Variants in YME1L1 observed in about 807,000 individuals in gnomAD.
The protein encoded by YME1L1 is YME1 like 1 ATPase.
A neutral mutation model predicts 90.4 loss-of-function variants in YME1L1; 39 were observed. The ratio of observed to expected loss-of-function variants is 0.43; its 90% confidence interval spans 0.33 to 0.56. The LOEUF is 0.56. YME1L1 is among the 20% of genes least tolerant of loss of function. YME1L1 has a pLI of 0.03. For missense variants in YME1L1, 617 were observed against 868.4 expected (o/e 0.71, Z 3.64); for synonymous variants, 284 against 287.3 (o/e 0.99, Z 0.12).
chr10:27,113,251 A>C (rs888182245), intron 18 of YME1L1, among the ~76,000 whole-genome samples: 1 of 96,996 alleles, frequency 1.0e-5, no homozygotes, highest in Non-Finnish European at 2.3e-5. Flanking sequence ...AAAAAAAAAA[A>C]AAAAAAAAAA....
chr10:27,123,136 G>A (rs1410560995), intron 10 of YME1L1, among the ~76,000 whole-genome samples, 163 bp from the exon 11 acceptor site: 2 of 152,058 alleles, frequency 1.3e-5, no homozygotes, highest in African/African-American at 2.4e-5. Flanking sequence ...GTATCTTCAG[G>A]GGGGAAAAAA....
At chr10:27,149,100 CCTT>C in intron 1 of YME1L1, 60 bp from the exon 2 acceptor site, 4 of 1,421,936 alleles carry the variant, frequency 2.8e-6, no homozygotes, top group Non-Finnish European at 3.9e-6. Context: ...AGAACAATCT[CCTT>C]TTTTTGTCAG....
chr10:27,114,486 C>G, intron 18 of YME1L1, 35 bp downstream of exon 18: 1 of 1,562,594 alleles, frequency 6.4e-7, no homozygotes, highest in Non-Finnish European at 8.8e-7. Context: ...CACATTGTTC[C>G]TAAGAAAATA....
chr10:27,136,453 T>C, intron 4 of YME1L1, 68 bp from the exon 5 acceptor site: 1 of 1,319,504 alleles, frequency 7.6e-7, no homozygotes, highest in Non-Finnish European at 1.1e-6. Context: ...CCTAAGATTC[T>C]AAAGTCTGAC....
intron 4 of YME1L1, among the ~76,000 whole-genome samples, chr10:27,137,836 G>GTT (rs530050301): frequency 2.0e-3 from 310 of 151,956 alleles, no homozygotes; most frequent in African/African-American, 7.3e-3. Flanking sequence ...GTAATCTTTA[G>GTT]TTATATATAT....
At chr10:27,150,917 C>T (rs915653014) in intron 1 of YME1L1, among the ~76,000 whole-genome samples, 3 of 138,142 alleles carry the variant, frequency 2.2e-5, no homozygotes, top group African/African-American at 8.0e-5. Context: ...TAGACTCTCT[C>T]GCCTTTTTTT....
chr10:27,126,380 G>A (rs978628097), intron 9 of YME1L1, among the ~76,000 whole-genome samples: 5 of 152,118 alleles, frequency 3.3e-5, no homozygotes, highest in Non-Finnish European at 4.4e-5. Context: ...AGCGAGCCAT[G>A]ATTGCATCAC....
Position 27,154,197 on chromosome 10 carries a change from G to C in YME1L1, c.14C>G (p.Ser5Trp). Residue 5 changes from serine (S) to tryptophan (W), a missense_variant, in exon 1 of 19, where the codon TCG (serine) becomes TGG (tryptophan). Physicochemically the swap from Ser to Trp is radical, Grantham distance 177. This residue lies in a region of YME1L1 where 311 missense variants were observed against 335.8 expected (regional missense o/e 0.93). Transcript: ENST00000376016. Reference sequence around the variant, plus strand: ...GCTTACCTGGGGTTGCACCGTGCTCGACAAGGAAAACATCTCCGGCGGGCC... The same window carrying C: ...GCTTACCTGGGGTTGCACCGTGCTCCACAAGGAAAACATCTCCGGCGGGCC... MFSL[S>W]STVQPQVTVP... 1 of 1,592,052 alleles carries C rather than the reference G, an allele frequency of 6.3e-7. No homozygotes were observed. Among genetic ancestry groups the C allele is most frequent in the Middle Eastern group, 1.7e-4 (1 of 6,038 alleles).
chr10:27,134,687 G>T, intron 6 of YME1L1, 144 bp downstream of exon 6: 3 of 806,894 alleles, frequency 3.7e-6, no homozygotes, highest in Non-Finnish European at 5.7e-6. Context: ...CAGCAGTATC[G>T]CCATTTCTAC....
chr10:27,117,378 G>A (rs1040298128), intron 15 of YME1L1, among the ~76,000 whole-genome samples, 198 bp downstream of exon 15: 1 of 152,146 alleles, frequency 6.6e-6, no homozygotes, highest in African/African-American at 2.4e-5. Context: ...GAGCAGCCTG[G>A]CCAACATGGT....
At chr10:27,140,523 G>A (rs528853356) in intron 4 of YME1L1, among the ~76,000 whole-genome samples, 2 of 152,142 alleles carry the variant, frequency 1.3e-5, no homozygotes, top group African/African-American at 2.4e-5. Flanking sequence ...TCTGTTGCCA[G>A]GCTGGAGTTC....
At chr10:27,149,723 A>G (rs1395143921) in intron 1 of YME1L1, among the ~76,000 whole-genome samples, 1 of 147,790 alleles carries the variant, frequency 6.8e-6, no homozygotes, top group Admixed American at 6.8e-5. Context: ...AAAAAAAAAA[A>G]AAAAAAAAAA....
intron 4 of YME1L1, among the ~76,000 whole-genome samples, chr10:27,140,140 C>T (rs372963678): frequency 2.0e-5 from 3 of 152,196 alleles, no homozygotes; most frequent in African/African-American, 7.2e-5. Context: ...GCTGAGATTA[C>T]AGGCATGTGC....
chr10:27,119,574 T>C, intron 13 of YME1L1, 125 bp from the exon 14 acceptor site: 11 of 1,036,526 alleles, frequency 1.1e-5, no homozygotes, highest in South Asian at 3.6e-5. Context: ...TTTGGGAGGC[T>C]GGGGCAGGCA....
intron 2 of YME1L1, chr10:27,147,436 AC>A: frequency 6.2e-7 from 1 of 1,614,040 alleles, no homozygotes; most frequent in Admixed American, 1.7e-5. Flanking sequence ...CTAAGCCGTG[AC>A]TAAGAACGAT....
intron 7 of YME1L1, among the ~76,000 whole-genome samples, chr10:27,132,204 G>A (rs763362881): frequency 9.9e-5 from 15 of 152,058 alleles, no homozygotes; most frequent in Non-Finnish European, 1.8e-4. Flanking sequence ...AGGTTCAAGC[G>A]ATTCTCCTGC....
Position 27,119,452 on chromosome 10 carries a change from A to G in YME1L1, c.1412-3T>C. 1 of 1,603,432 alleles carries G rather than the reference A, an allele frequency of 6.2e-7. No individual in the cohort carries two copies. Among genetic ancestry groups the G allele is most frequent in the Non-Finnish European group, 8.5e-7 (1 of 1,177,132 alleles). ...AGCTATAATTTCTGGATCAACGGCT[A>G]ATGTAAAAAGAGAACACAACGCTAA... On this transcript the variant is annotated splice_region_variant and splice_polypyrimidine_tract_variant and intron_variant, in intron 13 of 18. Coordinates refer to ENST00000376016, the MANE Select transcript of YME1L1 (RefSeq NM_014263.4).
In YME1L1 at chr10:27,114,994, T is replaced by C. The variant is rs533700955; in HGVS notation, c.1921-387A>G. Among the ~76,000 whole-genome samples, 23 of 152,106 alleles carry C rather than the reference T, an allele frequency of 1.5e-4. No homozygotes were observed. In the East Asian group the frequency reaches 4.1e-3, roughly 27 times the overall value. ...GTAAGCTGACATTGCGCCACTGCAC[T>C]CCAGCCTAGGTGACAGAGCGAGACT... On this transcript the variant is annotated intron_variant, in intron 17 of 18. Transcript: ENST00000376016.
intron 3 of YME1L1, among the ~76,000 whole-genome samples, chr10:27,143,535 TA>T (rs771228939): frequency 1.3e-5 from 2 of 150,704 alleles, no homozygotes; most frequent in Non-Finnish European, 3.0e-5. Flanking sequence ...TCGTCTCTAC[TA>T]AAAATACAAA....
Sources: allele counts gnomAD v4.1 joint callset (sites outside exome capture counted in the v4.1 genomes callset), GRCh38; gene constraint gnomAD v4.1.1; regional missense constraint gnomAD v4.1.1; transcripts MANE v1.5; gene names NCBI Gene and HGNC (gene_info 2026-07-23, HGNC 2026-07-21).